ABL2: variants seen among roughly 807,000 people sequenced by gnomAD.
ABL2 encodes tyrosine-protein kinase ABL2.
Under a neutral mutation model 107.7 loss-of-function variants are expected in ABL2, and 49 were observed. The observed-to-expected ratio is 0.45, with a 90% CI of 0.36 to 0.58. The LOEUF is 0.58. Among genes scored for constraint, ABL2 ranks in the 20% least tolerant of loss-of-function variants. The pLI is 0.00. For synonymous variants in ABL2, 549 were observed against 548.6 expected, an observed-to-expected ratio of 1.00 and a Z score of -0.01; for missense variants, 1,245 against 1,457.0, an observed-to-expected ratio of 0.85 and a Z score of 2.37.
At chr1:179,127,594 A>G (rs2102649746) in intron 3 of ABL2, among the ~76,000 whole-genome samples, 1 of 152,368 alleles carries the variant, frequency 6.6e-6, no homozygotes, top group Admixed American at 6.5e-5. Context: ...AGTGAAAGAG[A>G]TATCACTAGT....
intron 1 of ABL2, among the ~76,000 whole-genome samples, chr1:179,154,056 C>A (rs1005935086): frequency 6.6e-6 from 1 of 152,104 alleles, no homozygotes; most frequent in African/African-American, 2.4e-5. Flanking sequence ...ATGAATCATA[C>A]CTCTTAAATA....
rs139821337 is a variant in ABL2 at position 179,153,173 on chromosome 1, C to T, written c.158-19799G>A. On this transcript the variant is annotated intron_variant, in intron 1 of 11. Coordinates refer to ENST00000502732, the MANE Select transcript of ABL2 (RefSeq NM_007314.4). ...AAATACTTTCTAAACCAAAATAATACATTTCTGGATGGTGCCGGATAACAG... is the reference window on the plus strand; with the variant it reads ...AAATACTTTCTAAACCAAAATAATATATTTCTGGATGGTGCCGGATAACAG... Among the ~76,000 whole-genome samples the T allele has an allele frequency of 5.5e-3, 833 of 152,188 alleles. 8 individuals are homozygous for T. Among genetic ancestry groups the T allele is most frequent in the African/African-American group, 0.019 (785 of 41,530 alleles).
intron 1 of ABL2, among the ~76,000 whole-genome samples, chr1:179,136,268 G>C (rs1284859152): frequency 1.3e-5 from 2 of 151,698 alleles, no homozygotes; most frequent in Non-Finnish European, 2.9e-5. Context: ...GGAATAGAAA[G>C]GGGGGAAAGG....
intron 1 of ABL2, among the ~76,000 whole-genome samples, chr1:179,187,240 A>C (rs2636280): frequency 0.34 from 52,368 of 152,164 alleles, 9,453 homozygotes; most frequent in East Asian, 0.48. Context: ...CAGATGCAGC[A>C]GGTTTGCCAG....
rs1662747148 is a variant in ABL2 at position 179,219,261 on chromosome 1, T to C, written c.157+9980A>G. On this transcript the variant is annotated intron_variant, in intron 1 of 11. Transcript: ENST00000502732. ...TTTCGCCACGTTGCCTAGGCTGGTCTTGAACTCCTGAGCTTAAAGCAATCC... is the reference window on the plus strand; with the variant it reads ...TTTCGCCACGTTGCCTAGGCTGGTCCTGAACTCCTGAGCTTAAAGCAATCC... Among the ~76,000 whole-genome samples, 6 of 152,138 alleles carry C rather than the reference T, an allele frequency of 3.9e-5. No individual in the cohort carries two copies. The South Asian group carries it at 1.2e-3, about 31-fold the overall frequency.
At chr1:179,220,640 C>T (rs1662819844) in intron 1 of ABL2, among the ~76,000 whole-genome samples, 1 of 152,194 alleles carries the variant, frequency 6.6e-6, no homozygotes, top group Non-Finnish European at 1.5e-5. Flanking sequence ...GTGCTTTAAT[C>T]TCTGCTGAAA....
At chr1:179,123,547 C>A (rs1323024224) in intron 4 of ABL2, among the ~76,000 whole-genome samples, 1 of 152,130 alleles carries the variant, frequency 6.6e-6, no homozygotes, top group Non-Finnish European at 1.5e-5. Context: ...GAATTGCTTA[C>A]AAAATAGTTG....
intron 1 of ABL2, among the ~76,000 whole-genome samples, chr1:179,182,187 T>A (rs749243881): frequency 6.6e-6 from 1 of 152,034 alleles, no homozygotes; most frequent in African/African-American, 2.4e-5. Flanking sequence ...ATCATTATAA[T>A]CACTTGCTCC....
intron 3 of ABL2, among the ~76,000 whole-genome samples, chr1:179,128,608 G>C (rs2102653405): frequency 6.6e-6 from 1 of 152,160 alleles, no homozygotes; most frequent in South Asian, 2.1e-4. Context: ...TGGAAGTTTT[G>C]ACTACCATGG....
chr1:179,100,980 G>A lies in ABL2; in HGVS notation c.*6738C>T, dbSNP rs1355542834. ...GCACTTGGAGGGAAGGGTCCGGCGA[G>A]ACCTCGCCAGGTGGGCTTGAGAAAC... is the stretch of plus-strand genomic sequence containing the variant. On this transcript the variant is annotated 3_prime_UTR_variant, in exon 12 of 12. Coordinates refer to ENST00000502732, the MANE Select transcript of ABL2 (RefSeq NM_007314.4). The A allele has an allele frequency of 4.3e-6, 1 of 232,888 alleles. No homozygotes were observed. The highest frequency in any genetic ancestry group is 8.5e-6 in the Non-Finnish European group (1 of 117,862). The allele number at this position is 232,888 out of a possible 1,614,324, so 14.4% of individuals were successfully genotyped here. A position where few individuals can be genotyped will look rare whatever the true frequency, so the allele number is the denominator to read the frequency against.
chr1:179,223,844 C>T (rs1300057068), intron 1 of ABL2, among the ~76,000 whole-genome samples: 1 of 151,544 alleles, frequency 6.6e-6, no homozygotes, highest in Admixed American at 6.6e-5. Flanking sequence ...ACATGAACTA[C>T]TGGCCGGGTG....
chr1:179,194,209 G>T (rs541465497), intron 1 of ABL2, among the ~76,000 whole-genome samples: 30 of 151,924 alleles, frequency 2.0e-4, no homozygotes, highest in African/African-American at 7.2e-4. Context: ...CATTTTTTTT[G>T]ACAAATACCA....
intron 9 of ABL2, among the ~76,000 whole-genome samples, 156 bp downstream of exon 9, chr1:179,114,722 A>G (rs1351837450): frequency 6.6e-6 from 1 of 152,202 alleles, no homozygotes; most frequent in Non-Finnish European, 1.5e-5. Flanking sequence ...TCAATGGTAT[A>G]TGATATGACA....
intron 1 of ABL2, among the ~76,000 whole-genome samples, chr1:179,173,131 A>C (rs1193115393): frequency 2.0e-5 from 3 of 149,412 alleles, no homozygotes; most frequent in Non-Finnish European, 4.4e-5. Context: ...TGGAGGTTGC[A>C]GTGAGCGGAG....
At chr1:179,139,293 C>T (rs1455603726) in intron 1 of ABL2, among the ~76,000 whole-genome samples, 1 of 152,112 alleles carries the variant, frequency 6.6e-6, no homozygotes, top group Non-Finnish European at 1.5e-5. Flanking sequence ...GAACGAACAA[C>T]TCCAAACGCG....
chr1:179,140,693 T>C (rs1657490413), intron 1 of ABL2, among the ~76,000 whole-genome samples: 2 of 152,234 alleles, frequency 1.3e-5, no homozygotes, highest in African/African-American at 2.4e-5. Flanking sequence ...AACAAAACTC[T>C]AGAGTCTGGC....
rs78544564 is a variant in ABL2 at position 179,101,202 on chromosome 1, A to C, written c.*6516T>G. 2.2e-5 allele frequency: 5 copies of C among 224,762 alleles called. No homozygotes were observed. The highest frequency in any genetic ancestry group is 1.1e-4 in the African/African-American group (5 of 44,870). 13.9% of individuals were successfully genotyped at this position (224,762 alleles called of 1,614,324 possible). On this transcript the variant is annotated 3_prime_UTR_variant, in exon 12 of 12. Transcript: ENST00000502732. ...CCATCTTTGAAGGCACAAATCTCCA[A>C]GGGTGGCCTCTCAGCAGTTTCTGCC...
rs1022783027 is a variant in ABL2 at position 179,169,413 on chromosome 1, T to C, written c.158-36039A>G. On this transcript the variant is annotated intron_variant, in intron 1 of 11. Coordinates refer to ENST00000502732, the MANE Select transcript of ABL2 (RefSeq NM_007314.4). ...AATACAAAAAATTAGCTGGGCGTGGTGGCGGGCACCTGTAGTCCCAGCTAC... is the reference window on the plus strand; with the variant it reads ...AATACAAAAAATTAGCTGGGCGTGGCGGCGGGCACCTGTAGTCCCAGCTAC... Among the ~76,000 whole-genome samples the C allele has an allele frequency of 1.3e-4, 20 of 152,078 alleles. No individual in the cohort carries two copies. In the East Asian group the frequency reaches 3.7e-3, roughly 28 times the overall value.
At chr1:179,147,598 G>A (rs1658086878) in intron 1 of ABL2, among the ~76,000 whole-genome samples, 1 of 152,192 alleles carries the variant, frequency 6.6e-6, no homozygotes, top group Non-Finnish European at 1.5e-5. Context: ...GTTATCCTAA[G>A]TGAAATGACT....
Sources: gnomAD v4.1 joint callset for allele counts (sites outside exome capture counted in the v4.1 genomes callset) on GRCh38, gnomAD v4.1.1 for gene constraint, MANE v1.5 for transcripts, NCBI Gene and HGNC (gene_info 2026-07-23, HGNC 2026-07-21) for gene names.